Variants in MYCBPAP observed in about 807,000 individuals in gnomAD.
MYCBPAP encodes the protein MYCBP-associated protein.
A neutral mutation model predicts 106.1 loss-of-function variants in MYCBPAP; 60 were observed. The ratio of observed to expected loss-of-function variants is 0.57; its 90% CI spans 0.46 to 0.70. The LOEUF is 0.70. MYCBPAP is among the 30% of genes least tolerant of loss of function. The pLI is 0.00. For synonymous variants in MYCBPAP, 407 were observed against 440.6 expected (o/e 0.92, Z 0.95); for missense variants, 1,064 against 1,169.3 (o/e 0.91, Z 1.31).
intron 18 of MYCBPAP, 76 bp downstream of exon 18, chr17:50,529,264 A>T (rs780090875): frequency 7.3e-7 from 1 of 1,379,130 alleles, no homozygotes; most frequent in Non-Finnish European, 9.9e-7. Flanking sequence ...GCAGACAATA[A>T]GTGCCCACTC....
intron 18 of MYCBPAP, chr17:50,529,812 AT>A (rs1171148359): frequency 2.2e-6 from 1 of 456,648 alleles, no homozygotes; most frequent in Admixed American, 2.3e-5. Context: ...TGCAGGGTGC[AT>A]TCCCATCAAC....
rs900174849 is a variant in MYCBPAP, at chr17:50,523,027, C to T, written c.1346C>T (p.Thr449Ile). ...SSELTVVNNG[T>I]VAIWYDWRRQ... ...GAACTGACTGTGGTCAATAATGGCACCGTGGCCATTTGGTATGACTGGCGA... is the reference window on the plus strand; with the variant it reads ...GAACTGACTGTGGTCAATAATGGCATCGTGGCCATTTGGTATGACTGGCGA... Residue 449 changes from threonine (T) to isoleucine (I), a missense_variant, in exon 11 of 19, where the codon ACC becomes ATC. Thr to Ile is a moderately conservative substitution (Grantham distance 89, BLOSUM62 -1). Coordinates refer to ENST00000323776, the MANE Select transcript of MYCBPAP (RefSeq NM_032133.6). The T allele has an allele frequency of 3.7e-6, 6 of 1,614,034 alleles. No homozygotes were observed. Among genetic ancestry groups the T allele is most frequent in the East Asian group, 2.2e-5 (1 of 44,878 alleles).
At chr17:50,524,804 G>A in intron 12 of MYCBPAP, 73 bp from the exon 13 acceptor site, 5 of 1,538,530 alleles carry the variant, frequency 3.2e-6, no homozygotes, top group Non-Finnish European at 4.4e-6. Flanking sequence ...AGTCCTGGGG[G>A]CTCCAACTTC....
intron 1 of MYCBPAP, among the ~76,000 whole-genome samples, chr17:50,511,499 C>T (rs1361246619): frequency 1.3e-5 from 2 of 152,206 alleles, no homozygotes; most frequent in African/African-American, 4.8e-5. Flanking sequence ...ACGAATAATA[C>T]TTAGATAAAA....
chr17:50,516,559 C>T lies in MYCBPAP; in HGVS notation c.77-11C>T. 7 of 1,612,534 alleles carry T rather than the reference C, an allele frequency of 4.3e-6. No homozygotes were observed. The highest frequency in any genetic ancestry group is 5.9e-6 in the Non-Finnish European group (7 of 1,179,552). ...TCTTTAAGGACTTAATAACTTTCTG[C>T]TTCTCTTCAGAAAAGAAGCGGGCAA... On this transcript the variant is annotated splice_polypyrimidine_tract_variant and intron_variant, in intron 1 of 18. Transcript: ENST00000323776.
chr17:50,514,485 G>A (rs888331394), intron 1 of MYCBPAP, among the ~76,000 whole-genome samples: 1 of 152,220 alleles, frequency 6.6e-6, no homozygotes, highest in African/African-American at 2.4e-5. Flanking sequence ...TGACCAGCCA[G>A]AGAAATGAGA....
At chr17:50,518,469 T>A (rs956558281) in intron 4 of MYCBPAP, 72 bp from the exon 5 acceptor site, 48 of 1,380,592 alleles carry the variant, frequency 3.5e-5, no homozygotes, top group Non-Finnish European at 4.6e-5. Context: ...GGTTTAGGCC[T>A]CGGGAAATGT....
At chr17:50,511,377 A>AT (rs771016665) in intron 1 of MYCBPAP, among the ~76,000 whole-genome samples, 1 of 152,014 alleles carries the variant, frequency 6.6e-6, no homozygotes, top group Non-Finnish European at 1.5e-5. Flanking sequence ...GCAATATTAG[A>AT]TTCCCCTCCC....
rs781251282 is a variant in MYCBPAP, at chr17:50,528,831, C to T, written c.2544C>T (p.Leu848=). The stretch of plus-strand genomic sequence containing the variant: ...AAGACAAGAAAGGAGCCAAGCTGCT[C>T]GGGAAAGAGGCATGCTGGGGCGTGG... The part of the protein sequence containing the change: ...DKEDKKGAKL[L]GKEDRPNSKK... Residue 848 remains leucine, a synonymous_variant, in exon 17 of 19, where the codon CTC becomes CTT. Coordinates refer to ENST00000323776, the MANE Select transcript of MYCBPAP (RefSeq NM_032133.6). 8.1e-6 allele frequency: 13 copies of T among 1,609,150 alleles called. No individual in the cohort carries two copies. Among genetic ancestry groups the T allele is most frequent in the East Asian group, 4.5e-5 (2 of 44,644 alleles).
In MYCBPAP at chr17:50,522,057, C is replaced by T. The variant is rs1481924014; in HGVS notation, c.1233C>T (p.Ile411=). The part of the protein sequence containing the change: ...LLFCGKPACW[I]RGSNPQDKRQ... ...TCTGTGGGAAGCCAGCTTGCTGGAT[C>T]AGAGGCAGTAATCCACAGGACAAGG... is the stretch of plus-strand genomic sequence containing the variant. The change falls in exon 10 of 19, where the codon ATC becomes ATT. Residue 411 remains isoleucine (I), a synonymous_variant. Transcript: ENST00000323776. 9 of 1,613,940 alleles carry T rather than the reference C, an allele frequency of 5.6e-6. No individual in the cohort carries two copies. The highest frequency in any genetic ancestry group is 7.6e-6 in the Non-Finnish European group (9 of 1,179,876).
At chr17:50,508,899 T>C in intron 1 of MYCBPAP, 149 bp downstream of exon 1, 1 of 793,190 alleles carries the variant, frequency 1.3e-6, no homozygotes, top group Non-Finnish European at 2.2e-6. Flanking sequence ...CATAGGACCC[T>C]TAGGGATGGG....
intron 1 of MYCBPAP, 179 bp downstream of exon 1, chr17:50,508,929 T>C (rs1216259947): frequency 6.9e-6 from 5 of 720,842 alleles, no homozygotes; most frequent in Non-Finnish European, 1.3e-5. Context: ...AGGAAGAGCC[T>C]ACAGCGCACT....
chr17:50,519,216 C>A, intron 6 of MYCBPAP, 127 bp downstream of exon 6: 1 of 653,944 alleles, frequency 1.5e-6, no homozygotes, highest in South Asian at 2.0e-5. Flanking sequence ...CTATCCATTG[C>A]AAAACATCAT....
At chr17:50,519,220 ACAT>A (rs753171845) in intron 6 of MYCBPAP, 131 bp downstream of exon 6, 52 of 643,372 alleles carry the variant, frequency 8.1e-5, no homozygotes, top group Non-Finnish European at 1.1e-4. Context: ...CCATTGCAAA[ACAT>A]CATTAGGCCC....
intron 12 of MYCBPAP, 89 bp downstream of exon 12, chr17:50,523,873 C>T: frequency 7.6e-7 from 1 of 1,307,678 alleles, no homozygotes; most frequent in Non-Finnish European, 1.0e-6. Flanking sequence ...TCATATTTCT[C>T]CCAGCCTAAG....
Position 50,514,541 on chromosome 17 carries a change from GTGT to G in MYCBPAP, c.77-2028_77-2026del, listed in dbSNP as rs200770351. Among the ~76,000 whole-genome samples the G allele has an allele frequency of 4.6e-5, 7 of 152,344 alleles. No homozygotes were observed. In the East Asian group the frequency reaches 1.3e-3, roughly 29 times the overall value. On this transcript the variant is annotated intron_variant, in intron 1 of 18. Coordinates refer to ENST00000323776, the MANE Select transcript of MYCBPAP (RefSeq NM_032133.6). ...CACCTCTGTGAAAGGAAGGCAGGGA[GTGT>G]GTCCTCGTTGGAGAGTGACCTGTGA...
chr17:50,519,131 A>AG (rs2034163773), intron 6 of MYCBPAP, 42 bp downstream of exon 6: 3 of 627,314 alleles, frequency 4.8e-6, no homozygotes, highest in South Asian at 1.5e-5. Flanking sequence ...AGGGGGGTCC[A>AG]TGGAGGAGGG....
chr17:50,510,493 GTGTGTGTATATATATA>G (rs1403268344), intron 1 of MYCBPAP: 21 of 99,050 alleles, frequency 2.1e-4, no homozygotes, highest in African/African-American at 9.6e-4. Flanking sequence ...GTGTGTGTGT[GTGTGTGTATATATATA>G]TATATATATA....
rs1234106240 is a variant in MYCBPAP at position 50,529,476 on chromosome 17, A to AG, written c.2724+289dup. ...GAAGGGAGGGGAAGGGTGGCCAAGTAGACGTCCAGTAAAGAGTGCTCCAGG... is the reference window on the plus strand; with the variant it reads ...GAAGGGAGGGGAAGGGTGGCCAAGTAGGACGTCCAGTAAAGAGTGCTCCAGG... On this transcript the variant is annotated intron_variant, in intron 18 of 18. Transcript: ENST00000323776. 2.7e-5 allele frequency: 11 copies of AG among 406,862 alleles called. No individual in the cohort carries two copies. In the East Asian group the frequency reaches 6.0e-4, roughly 22 times the overall value. The allele number at this position is 406,862 out of a possible 1,614,324, so 25.2% of individuals were successfully genotyped here. A position where few individuals can be genotyped will look rare whatever the true frequency, so the allele number is the denominator to read the frequency against.
Sources: allele counts gnomAD v4.1 joint callset (sites outside exome capture counted in the v4.1 genomes callset), GRCh38; gene constraint gnomAD v4.1.1; transcripts MANE v1.5; gene names NCBI Gene and HGNC (gene_info 2026-07-23, HGNC 2026-07-21).